The following BTBD9 variants were observed in gnomAD, a reference collection of about 807,000 sequenced individuals.
BTBD9 encodes BTB/POZ domain-containing protein 9.
In BTBD9, 49 loss-of-function variants were observed where a neutral mutation model predicts 64.3. That is an observed-to-expected ratio of 0.76 (90% CI 0.61 to 0.97). The LOEUF (loss-of-function observed/expected upper bound fraction) is 0.97, where lower values mean the gene tolerates loss of function less well. Among genes scored for constraint, BTBD9 ranks in the 50% least tolerant of loss-of-function variants. The probability of loss-of-function intolerance (pLI) is 0.00; values close to 1 mark genes in which losing one functional copy is unlikely to be tolerated. For synonymous variants in BTBD9, 260 were observed against 274.7 expected (o/e 0.95, Z 0.53); for missense variants, 598 against 762.1 (o/e 0.78, Z 2.53).
chr6:38,315,930 TG>T (rs1315682568), intron 7 of BTBD9, among the ~76,000 whole-genome samples: 1 of 152,216 alleles, frequency 6.6e-6, no homozygotes, highest in Non-Finnish European at 1.5e-5. Flanking sequence ...TAGCTATCAT[TG>T]TATTAGAGTC....
intron 6 of BTBD9, among the ~76,000 whole-genome samples, chr6:38,401,475 C>T (rs1224917777): frequency 1.3e-5 from 2 of 152,290 alleles, no homozygotes; most frequent in East Asian, 3.9e-4. Flanking sequence ...ACTATGTTTG[C>T]CTCCAGGCTC....
chr6:38,202,542 T>A (rs1762503654), intron 9 of BTBD9, among the ~76,000 whole-genome samples: 2 of 152,036 alleles, frequency 1.3e-5, no homozygotes, highest in Admixed American at 1.3e-4. Flanking sequence ...GCTATAGTAA[T>A]CAAAACAGAT....
rs182444533 is a variant in BTBD9 at position 38,278,550 on chromosome 6, T to C, written c.1454+9722A>G. Among the ~76,000 whole-genome samples, 1,051 of 152,284 alleles carry C rather than the reference T, an allele frequency of 6.9e-3. 9 individuals are homozygous for C. Among genetic ancestry groups the C allele is most frequent in the Non-Finnish European group, 0.013 (859 of 68,012 alleles). ...AGGTTCTGCAGGATCACGAAACAAA[T>C]TAGAATCTTTGGAGCTGGAGTTTTA... On this transcript the variant is annotated intron_variant, in intron 8 of 10. Coordinates refer to ENST00000481247, the MANE Select transcript of BTBD9 (RefSeq NM_001099272.2).
rs773802163 is a variant in BTBD9, at chr6:38,592,714, G to C, written c.676C>G (p.Arg226Gly). 1 of 1,614,176 alleles carries C rather than the reference G, an allele frequency of 6.2e-7. No homozygotes were observed. The highest frequency in any genetic ancestry group is 8.5e-7 in the Non-Finnish European group (1 of 1,180,026). ...ENHAEIMQAV[R>G]LPLMSLTELL... ...TCTGTGAGGCTCATGAGAGGTAAAC[G>C]CACAGCCTGCATGATTTCAGCATGA... is the stretch of plus-strand genomic sequence containing the variant. Residue 226 changes from arginine to glycine, a missense_variant, in exon 4 of 11, where the codon CGT becomes GGT. By Grantham distance (125) the Arg-to-Gly change is moderately radical. Coordinates refer to ENST00000481247, the MANE Select transcript of BTBD9 (RefSeq NM_001099272.2).
intron 6 of BTBD9, among the ~76,000 whole-genome samples, chr6:38,474,338 T>C (rs897994563): frequency 6.6e-6 from 1 of 151,982 alleles, no homozygotes; most frequent in Non-Finnish European, 1.5e-5. Context: ...GCTCGGCTAA[T>C]ATGGTGAAAT....
chr6:38,434,843 T>C (rs1768636807), intron 6 of BTBD9, among the ~76,000 whole-genome samples: 5 of 151,896 alleles, frequency 3.3e-5, no homozygotes, highest in Admixed American at 2.6e-4. Flanking sequence ...CCACTGGAGA[T>C]TGGTTTCAGG....
At chr6:38,578,254 C>T (rs1355620530) in intron 5 of BTBD9, among the ~76,000 whole-genome samples, 2 of 152,120 alleles carry the variant, frequency 1.3e-5, no homozygotes, top group African/African-American at 4.8e-5. Context: ...CTCCTACCCT[C>T]CCACATACAA....
chr6:38,210,189 A>T (rs1762783112), intron 9 of BTBD9, among the ~76,000 whole-genome samples: 1 of 152,206 alleles, frequency 6.6e-6, no homozygotes, highest in East Asian at 1.9e-4. Flanking sequence ...GTAATTGATG[A>T]TTAGCATTCC....
chr6:38,207,710 T>C (rs1045890517), intron 9 of BTBD9, among the ~76,000 whole-genome samples: 1 of 152,002 alleles, frequency 6.6e-6, no homozygotes. Context: ...GGAGAATATA[T>C]ATACTTGTTT....
intron 9 of BTBD9, among the ~76,000 whole-genome samples, chr6:38,252,047 C>A (rs952658182): frequency 2.0e-5 from 3 of 152,042 alleles, no homozygotes; most frequent in Non-Finnish European, 4.4e-5. Context: ...ACTGCTTATC[C>A]TGAAAACAAA....
chr6:38,280,815 A>G (rs1196743004), intron 8 of BTBD9, among the ~76,000 whole-genome samples: 1 of 152,230 alleles, frequency 6.6e-6, no homozygotes, highest in African/African-American at 2.4e-5. Context: ...GATAAGACAC[A>G]CTGAGCAAAT....
chr6:38,304,388 A>G (rs1403936962), intron 7 of BTBD9, among the ~76,000 whole-genome samples: 1 of 151,978 alleles, frequency 6.6e-6, no homozygotes, highest in African/African-American at 2.4e-5. Context: ...TCTACTAAAA[A>G]TACAAAAATT....
intron 6 of BTBD9, among the ~76,000 whole-genome samples, chr6:38,489,953 T>A (rs532918571): frequency 6.6e-6 from 1 of 152,250 alleles, no homozygotes; most frequent in Non-Finnish European, 1.5e-5. Context: ...TAATTTGTTG[T>A]TGTTTTAATC....
intron 6 of BTBD9, among the ~76,000 whole-genome samples, chr6:38,348,820 T>C (rs1478934426): frequency 2.6e-5 from 4 of 152,232 alleles, no homozygotes; most frequent in Non-Finnish European, 4.4e-5. Flanking sequence ...CTACAGAGTT[T>C]TGACACAATG....
At chr6:38,294,317 G>A (rs1367202247) in intron 7 of BTBD9, among the ~76,000 whole-genome samples, 2 of 152,058 alleles carry the variant, frequency 1.3e-5, no homozygotes, top group African/African-American at 4.8e-5. Flanking sequence ...CTCATTACTG[G>A]GTATATACCC....
At chr6:38,599,516 C>T (rs1483109514) in intron 1 of BTBD9, among the ~76,000 whole-genome samples, 1 of 152,204 alleles carries the variant, frequency 6.6e-6, no homozygotes, top group Non-Finnish European at 1.5e-5. Context: ...GGCTAGCATT[C>T]AGATGCCCCC....
At chr6:38,515,248 T>G (rs1335725664) in intron 6 of BTBD9, among the ~76,000 whole-genome samples, 2 of 152,222 alleles carry the variant, frequency 1.3e-5, no homozygotes, top group African/African-American at 4.8e-5. Flanking sequence ...CCACCTACTC[T>G]TAAAGAGCGG....
At chr6:38,569,776 C>T (rs979391174) in intron 6 of BTBD9, among the ~76,000 whole-genome samples, 2 of 151,040 alleles carry the variant, frequency 1.3e-5, no homozygotes, top group African/African-American at 2.4e-5. Context: ...TAAAACATGG[C>T]GGGGTTTTGG....
At chr6:38,569,054 A>G (rs959835605) in intron 6 of BTBD9, among the ~76,000 whole-genome samples, 2 of 152,222 alleles carry the variant, frequency 1.3e-5, no homozygotes, top group African/African-American at 4.8e-5. Flanking sequence ...TGAGACAAAA[A>G]AAGGTATTCT....
Sources: allele counts gnomAD v4.1 joint callset (sites outside exome capture counted in the v4.1 genomes callset), GRCh38; gene constraint gnomAD v4.1.1; transcripts MANE v1.5; gene names NCBI Gene and HGNC (gene_info 2026-07-23, HGNC 2026-07-21).